Variants in USP49 observed in about 807,000 individuals in gnomAD.
The protein encoded by USP49 is ubiquitin carboxyl-terminal hydrolase 49.
Under a neutral mutation model 58.6 loss-of-function variants are expected in USP49, and 24 were observed. That is an observed-to-expected ratio of 0.41 (90% CI 0.30 to 0.58). The LOEUF is 0.58. Ranked by LOEUF, USP49 falls within the 20% of genes least tolerant of loss-of-function variation. USP49 has a pLI of 0.30. For synonymous variants in USP49, 408 were observed against 365.1 expected (o/e 1.12, Z -1.34); for missense variants, 703 against 866.1 (o/e 0.81, Z 2.36).
chr6:41,822,595 C>T (rs1773470217), intron 3 of USP49, among the ~76,000 whole-genome samples: 1 of 152,080 alleles, frequency 6.6e-6, no homozygotes, highest in Admixed American at 6.5e-5. Flanking sequence ...TGCCTGTAAT[C>T]CTAGCACTTT....
intron 3 of USP49, among the ~76,000 whole-genome samples, chr6:41,852,996 C>G (rs963915395): frequency 6.6e-6 from 1 of 152,132 alleles, no homozygotes. Context: ...TCGAAACCAG[C>G]CTAACATGGA....
intron 5 of USP49, among the ~76,000 whole-genome samples, chr6:41,802,464 A>ATTTTTT (rs1272102736): frequency 5.4e-5 from 4 of 73,680 alleles, no homozygotes; most frequent in African/African-American, 2.2e-4. Context: ...TTATTTATTT[A>ATTTTTT]TTTATTTTTT....
At chr6:41,818,354 C>G (rs1254059892) in intron 3 of USP49, among the ~76,000 whole-genome samples, 1 of 152,140 alleles carries the variant, frequency 6.6e-6, no homozygotes, top group Non-Finnish European at 1.5e-5. Context: ...CACACACACA[C>G]ACATGCGCAC....
chr6:41,883,639 T>TAAAG (rs1454968806), intron 2 of USP49, among the ~76,000 whole-genome samples: 1 of 151,366 alleles, frequency 6.6e-6, no homozygotes, highest in Non-Finnish European at 1.5e-5. Context: ...AATAAATAAA[T>TAAAG]AAATAAATAA....
Position 41,796,393 on chromosome 6 carries a change from A to C in USP49, c.*140T>G. On this transcript the variant is annotated 3_prime_UTR_variant, in exon 8 of 8. Coordinates refer to ENST00000682992, the MANE Select transcript of USP49 (RefSeq NM_001286554.2). ...GAGACTATAAAATTTACGACAGGACACGAATCACCTGGCACCTTCTACTCT... is the reference window on the plus strand; with the variant it reads ...GAGACTATAAAATTTACGACAGGACCCGAATCACCTGGCACCTTCTACTCT... 1 of 558,218 alleles carries C rather than the reference A, an allele frequency of 1.8e-6. No homozygotes were observed. The highest frequency in any genetic ancestry group is 2.7e-5 in the South Asian group (1 of 36,546). The allele number at this position is 558,218 out of a possible 1,614,324, so 34.6% of individuals were successfully genotyped here. A position where few individuals can be genotyped will look rare whatever the true frequency, so the allele number is the denominator to read the frequency against.
intron 2 of USP49, among the ~76,000 whole-genome samples, chr6:41,889,617 T>C (rs545654473): frequency 6.6e-6 from 1 of 152,226 alleles, no homozygotes; most frequent in African/African-American, 2.4e-5. Context: ...TACAAACCCA[T>C]CATTCACAAG....
chr6:41,864,686 T>A (rs1003180396), intron 3 of USP49, among the ~76,000 whole-genome samples: 5 of 152,114 alleles, frequency 3.3e-5, no homozygotes, highest in Non-Finnish European at 4.4e-5. Flanking sequence ...TGGAAAAAAA[T>A]TTGGGTCATT....
At chr6:41,831,687 T>C (rs1773638571) in intron 3 of USP49, among the ~76,000 whole-genome samples, 1 of 152,000 alleles carries the variant, frequency 6.6e-6, no homozygotes. Context: ...ACATTAAACA[T>C]TACTCCAAAC....
intron 3 of USP49, among the ~76,000 whole-genome samples, chr6:41,826,526 C>T (rs148609937): frequency 1.8e-4 from 28 of 152,010 alleles, no homozygotes; most frequent in Non-Finnish European, 3.5e-4. Flanking sequence ...AAGGTGGGAG[C>T]AGGACTGTTG....
intron 3 of USP49, among the ~76,000 whole-genome samples, chr6:41,853,999 C>CA (rs752353657): frequency 0.33 from 19,397 of 58,702 alleles, 5,219 homozygotes; most frequent in African/African-American, 0.59. Flanking sequence ...GACTCTGTCT[C>CA]GAAAAAAAAA....
chr6:41,863,388 C>A (rs1407431443), intron 3 of USP49, among the ~76,000 whole-genome samples: 1 of 152,148 alleles, frequency 6.6e-6, no homozygotes. Context: ...ATACCCTTGC[C>A]CCAAATCTGT....
intron 2 of USP49, among the ~76,000 whole-genome samples, chr6:41,884,149 G>A (rs144382454): frequency 0.018 from 2,768 of 151,948 alleles, 38 homozygotes; most frequent in South Asian, 0.062. Flanking sequence ...TCAGCCTCCC[G>A]AATAGCTGGG....
chr6:41,886,093 A>T (rs1233166848), intron 2 of USP49, among the ~76,000 whole-genome samples: 1 of 152,200 alleles, frequency 6.6e-6, no homozygotes, highest in South Asian at 2.1e-4. Context: ...TCAGTTGACC[A>T]TATTTAACTT....
intron 3 of USP49, among the ~76,000 whole-genome samples, chr6:41,808,156 G>A (rs2127325332): frequency 6.6e-6 from 1 of 152,202 alleles, no homozygotes; most frequent in East Asian, 1.9e-4. Context: ...TGAAAGGAAA[G>A]GTAAGTAAAG....
chr6:41,801,638 A>G, intron 5 of USP49, among the ~76,000 whole-genome samples: 1 of 152,234 alleles, frequency 6.6e-6, no homozygotes, highest in East Asian at 1.9e-4. Flanking sequence ...GTGAGCTAAG[A>G]TGAAGACAAT....
At chr6:41,805,543 T>C in intron 4 of USP49, 85 bp downstream of exon 4, 11 of 1,397,454 alleles carry the variant, frequency 7.9e-6, no homozygotes, top group African/African-American at 1.4e-5. Flanking sequence ...GCTACTCTTA[T>C]TAGCCCAATA....
chr6:41,798,222 C>A (rs2127316790), intron 7 of USP49: 1 of 168,654 alleles, frequency 5.9e-6, no homozygotes, highest in South Asian at 1.4e-4. Context: ...CTTAGAACAA[C>A]CATATGTTGT....
intron 3 of USP49, among the ~76,000 whole-genome samples, chr6:41,840,853 G>GA (rs945287103): frequency 2.6e-5 from 4 of 151,246 alleles, no homozygotes; most frequent in Admixed American, 6.6e-5. Context: ...ATGAAGTCTG[G>GA]AAAAAAAATT....
chr6:41,837,968 A>T (rs1385198714), intron 3 of USP49, among the ~76,000 whole-genome samples: 1 of 152,206 alleles, frequency 6.6e-6, no homozygotes, highest in Non-Finnish European at 1.5e-5. Context: ...GATGGCAAAG[A>T]TGTGGAGAAA....
Sources: gnomAD v4.1 joint callset for allele counts (sites outside exome capture counted in the v4.1 genomes callset) on GRCh38, gnomAD v4.1.1 for gene constraint, MANE v1.5 for transcripts, NCBI Gene and HGNC (gene_info 2026-07-23, HGNC 2026-07-21) for gene names.